The following FRMPD2 variants were observed in gnomAD, a reference collection of about 807,000 sequenced individuals.
FRMPD2 encodes FERM and PDZ domain containing 2.
FRMPD2 carries 96 observed loss-of-function variants against 140.1 expected under a neutral mutation model. The observed-to-expected ratio is 0.69, with a 90% CI of 0.58 to 0.81. The LOEUF (loss-of-function observed/expected upper bound fraction) is 0.81, where lower values mean the gene tolerates loss of function less well. FRMPD2 is among the 40% of genes least tolerant of loss of function. FRMPD2 has a pLI of 0.00. For missense variants in FRMPD2, 1,240 were observed against 1,447.4 expected (o/e 0.86, Z 2.32); for synonymous variants, 449 against 547.6 (o/e 0.82, Z 2.52).
At chr10:48,199,303 G>T (rs1474625697) in intron 15 of FRMPD2, among the ~76,000 whole-genome samples, 1 of 149,170 alleles carries the variant, frequency 6.7e-6, no homozygotes, top group Non-Finnish European at 1.5e-5. Context: ...ACTCTACAAG[G>T]TACCTTAAAT....
At chr10:48,189,404 C>G (rs1463979646) in intron 16 of FRMPD2, among the ~76,000 whole-genome samples, 1 of 152,232 alleles carries the variant, frequency 6.6e-6, no homozygotes, top group African/African-American at 2.4e-5. Context: ...GGAGCTGTAC[C>G]TCACGGCAGG....
At chr10:48,251,795 T>A in intron 1 of FRMPD2, 104 bp from the exon 2 acceptor site, 1 of 1,356,584 alleles carries the variant, frequency 7.4e-7, no homozygotes, top group South Asian at 1.3e-5. Flanking sequence ...TGGCCACTAC[T>A]GCACACCGGC....
At chr10:48,189,555 C>G (rs942938836) in intron 16 of FRMPD2, among the ~76,000 whole-genome samples, 1 of 152,240 alleles carries the variant, frequency 6.6e-6, no homozygotes, top group Non-Finnish European at 1.5e-5. Flanking sequence ...TCTTTCCACA[C>G]AGACCCCATG....
intron 9 of FRMPD2, among the ~76,000 whole-genome samples, chr10:48,236,224 T>C (rs947544872): frequency 2.6e-5 from 4 of 152,120 alleles, no homozygotes; most frequent in Non-Finnish European, 5.9e-5. Context: ...TGGCACCTGG[T>C]AGATGTTTCA....
intron 10 of FRMPD2, among the ~76,000 whole-genome samples, chr10:48,229,024 TTAATATCAA>T (rs1839791384): frequency 6.6e-6 from 1 of 152,086 alleles, no homozygotes; most frequent in Non-Finnish European, 1.5e-5. Flanking sequence ...AAATTGAGCC[TTAATATCAA>T]TAGCATACTT....
intron 11 of FRMPD2, among the ~76,000 whole-genome samples, 184 bp downstream of exon 11, chr10:48,222,939 A>G (rs1839639793): frequency 6.6e-6 from 1 of 152,214 alleles, no homozygotes; most frequent in Non-Finnish European, 1.5e-5. Flanking sequence ...TGCATAAAAA[A>G]ACTGATTTTC....
At chr10:48,200,144 T>A (rs1368973276) in intron 15 of FRMPD2, among the ~76,000 whole-genome samples, 3 of 134,310 alleles carry the variant, frequency 2.2e-5, no homozygotes, top group East Asian at 2.1e-4. Flanking sequence ...AACTAAAAGC[T>A]AAAAAATATA....
rs139797002 is a variant in FRMPD2 at position 48,258,626 on chromosome 10, G to A, written c.26-6935C>T. 4.4e-4 allele frequency among the ~76,000 whole-genome samples: 67 copies of A among 152,314 alleles called. No homozygotes were observed. The East Asian group carries it at 0.012, about 26-fold the overall frequency. On this transcript the variant is annotated intron_variant, in intron 1 of 28. Coordinates refer to ENST00000374201, the MANE Select transcript of FRMPD2 (RefSeq NM_001018071.4). The stretch of plus-strand genomic sequence containing the variant: ...GATTCCAAGGTGGCATCTTGCATTC[G>A]TAGATGAGAGGATGCACACTAGTAC...
chr10:48,202,315 C>T (rs11101258), intron 14 of FRMPD2, among the ~76,000 whole-genome samples: 46,332 of 151,942 alleles, frequency 0.3, 7,933 homozygotes, highest in African/African-American at 0.46. Flanking sequence ...TTCCGGAAAC[C>T]CCTGATCCTC....
intron 14 of FRMPD2, among the ~76,000 whole-genome samples, chr10:48,206,121 T>A (rs1208389082): frequency 6.6e-6 from 1 of 152,000 alleles, no homozygotes; most frequent in Non-Finnish European, 1.5e-5. Context: ...AGTGCCAGAG[T>A]GACTCACTTC....
At chr10:48,257,788 A>C (rs940977488) in intron 1 of FRMPD2, among the ~76,000 whole-genome samples, 1 of 152,180 alleles carries the variant, frequency 6.6e-6, no homozygotes, top group African/African-American at 2.4e-5. Flanking sequence ...CAGCGACCTC[A>C]TGGAACTGCC....
Position 48,227,880 on chromosome 10 carries a change from TG to T in FRMPD2, c.1168+4234del, listed in dbSNP as rs1214427379. On this transcript the variant is annotated intron_variant, in intron 10 of 28. Coordinates refer to ENST00000374201, the MANE Select transcript of FRMPD2 (RefSeq NM_001018071.4). ...AATATAGAAGCTAGTTTAAGTTTTT[TG>T]GTTCAATTAAAATAGTCATGTTTGG... is the stretch of plus-strand genomic sequence containing the variant. Among the ~76,000 whole-genome samples, 27 of 152,202 alleles carry T rather than the reference TG, an allele frequency of 1.8e-4. 1 individual carries two copies. Among genetic ancestry groups the T allele is most frequent in the Admixed American group, 6.5e-5 (1 of 15,284 alleles).
At chr10:48,187,820 A>G (rs1309299436) in intron 16 of FRMPD2, among the ~76,000 whole-genome samples, 1 of 152,168 alleles carries the variant, frequency 6.6e-6, no homozygotes, top group African/African-American at 2.4e-5. Context: ...CTGCTTGATC[A>G]TTGTACATGT....
chr10:48,190,827 G>A (rs1053327243), intron 16 of FRMPD2, among the ~76,000 whole-genome samples: 16 of 152,306 alleles, frequency 1.1e-4, no homozygotes, highest in East Asian at 5.8e-4. Context: ...CCTACTGTGC[G>A]TGACCACTGG....
intron 1 of FRMPD2, among the ~76,000 whole-genome samples, chr10:48,254,126 T>A (rs1314826376): frequency 6.6e-6 from 1 of 151,796 alleles, no homozygotes; most frequent in East Asian, 1.9e-4. Context: ...CAGAAGGAAA[T>A]GTGTGCATTC....
chr10:48,216,505 C>A (rs1180145507), intron 12 of FRMPD2, among the ~76,000 whole-genome samples: 1 of 152,134 alleles, frequency 6.6e-6, no homozygotes, highest in Non-Finnish European at 1.5e-5. Flanking sequence ...GTGGATCTGG[C>A]CTGCTGTCCC....
intron 4 of FRMPD2, among the ~76,000 whole-genome samples, chr10:48,244,348 AT>A (rs1840195722): frequency 6.6e-6 from 1 of 152,236 alleles, no homozygotes; most frequent in Non-Finnish European, 1.5e-5. Context: ...ACTCTAAAAA[AT>A]CTTTGAGAGG....
Position 48,216,290 on chromosome 10 carries a change from G to A in FRMPD2, c.1456-4181C>T, listed in dbSNP as rs61840046. On this transcript the variant is annotated intron_variant, in intron 12 of 28. Coordinates refer to ENST00000374201, the MANE Select transcript of FRMPD2 (RefSeq NM_001018071.4). ...GGCAGATGATAGATACATAGATGAT[G>A]GATAGATAGATAGATAGATAGATAG... Among the ~76,000 whole-genome samples the A allele has an allele frequency of 7.4e-4, 111 of 149,676 alleles. No individual in the cohort carries two copies. The East Asian group carries it at 0.014, about 18-fold the overall frequency.
chr10:48,219,400 G>A (rs190592872), intron 12 of FRMPD2, among the ~76,000 whole-genome samples: 1 of 152,232 alleles, frequency 6.6e-6, no homozygotes, highest in African/African-American at 2.4e-5. Context: ...GGTCACCAGG[G>A]AAGAGATTGG....
Sources: gnomAD v4.1 joint callset for allele counts (sites outside exome capture counted in the v4.1 genomes callset) on GRCh38, gnomAD v4.1.1 for gene constraint, MANE v1.5 for transcripts, NCBI Gene and HGNC (gene_info 2026-07-23, HGNC 2026-07-21) for gene names.